The following GRIP1 variants were observed in gnomAD, a reference collection of about 807,000 sequenced individuals.
GRIP1 encodes the protein glutamate receptor interacting protein 1.
Under a neutral mutation model 129.9 loss-of-function variants are expected in GRIP1, and 45 were observed. The ratio of observed to expected loss-of-function variants is 0.35; its 90% CI spans 0.27 to 0.44. The LOEUF is 0.44. Ranked by LOEUF, GRIP1 falls within the 20% of genes least tolerant of loss-of-function variation. The pLI, the probability that GRIP1 is intolerant of heterozygous loss-of-function variation, is 1.00. For missense variants in GRIP1, 1,196 were observed against 1,396.8 expected (o/e 0.86, Z 2.29); for synonymous variants, 530 against 520.8 (o/e 1.02, Z -0.24).
At chr12:66,594,254 T>C (rs2063958150) in intron 2 of GRIP1, among the ~76,000 whole-genome samples, 1 of 151,900 alleles carries the variant, frequency 6.6e-6, no homozygotes, top group Non-Finnish European at 1.5e-5. Flanking sequence ...TGCACTTTTC[T>C]CTAGAGGCAT....
intron 1 of GRIP1, among the ~76,000 whole-genome samples, chr12:67,044,600 C>A (rs1406016295): frequency 1.3e-5 from 2 of 152,034 alleles, no homozygotes. Context: ...TGTTGATTCC[C>A]AGGGTGTATT....
intron 1 of GRIP1, among the ~76,000 whole-genome samples, chr12:66,677,028 T>C (rs920703169): frequency 4.6e-5 from 7 of 152,170 alleles, no homozygotes; most frequent in African/African-American, 1.4e-4. Context: ...AACCCAATTA[T>C]GGCAAATTGA....
chr12:66,845,360 G>A (rs1368216684), intron 1 of GRIP1, among the ~76,000 whole-genome samples: 1 of 152,170 alleles, frequency 6.6e-6, no homozygotes, highest in African/African-American at 2.4e-5. Context: ...GGGAGGCTAA[G>A]GCAGGAGAAT....
rs570235851 is a variant in GRIP1 at position 66,371,824 on chromosome 12, C to T, written c.2882G>A (p.Arg961Gln). ...CCGAGTTGTTTGGCTGTAGTGCGGC[C>T]GCGAGCTGCTGCGCTCCTGGAAGCT... ...QASFQERSSS[R>Q]PHYSQTTRSN... Residue 961 changes from arginine to glutamine, a missense_variant, in exon 23 of 25, where the codon CGG becomes CAG. This residue lies in a region of GRIP1 where 427 missense variants were observed against 463.3 expected (regional missense o/e 0.92). Transcript: ENST00000359742. The T allele has an allele frequency of 1.3e-4, 202 of 1,613,890 alleles. 2 individuals are homozygous for T. In the South Asian group the frequency reaches 1.9e-3, roughly 15 times the overall value.
intron 2 of GRIP1, among the ~76,000 whole-genome samples, chr12:66,584,873 A>G (rs1422878756): frequency 1.3e-5 from 2 of 151,418 alleles, no homozygotes; most frequent in Non-Finnish European, 2.9e-5. Flanking sequence ...CTCTCTGTGG[A>G]TGACCTCACC....
At chr12:67,012,299 A>G (rs2042720706) in intron 1 of GRIP1, among the ~76,000 whole-genome samples, 1 of 152,218 alleles carries the variant, frequency 6.6e-6, no homozygotes. Flanking sequence ...AACCACAAAT[A>G]AAATGTGTGT....
chr12:66,459,782 G>A (rs2059079806), intron 9 of GRIP1, among the ~76,000 whole-genome samples: 1 of 152,108 alleles, frequency 6.6e-6, no homozygotes, highest in Non-Finnish European at 1.5e-5. Context: ...AGAGAAGAGA[G>A]CTGCTGCCTA....
chr12:66,898,000 T>C (rs753291196), intron 1 of GRIP1, among the ~76,000 whole-genome samples: 25 of 152,172 alleles, frequency 1.6e-4, no homozygotes, highest in Non-Finnish European at 3.4e-4. Context: ...TACTGTAAAA[T>C]CTCAAGCAAC....
At chr12:66,762,910 T>C (rs2037519261) in intron 1 of GRIP1, among the ~76,000 whole-genome samples, 1 of 152,172 alleles carries the variant, frequency 6.6e-6, no homozygotes, top group African/African-American at 2.4e-5. Context: ...CATCATTCCC[T>C]GTGCTTAATG....
chr12:66,542,768 T>C (rs2061826403), intron 2 of GRIP1, among the ~76,000 whole-genome samples: 1 of 152,226 alleles, frequency 6.6e-6, no homozygotes, highest in African/African-American at 2.4e-5. Context: ...TTAGGATAAA[T>C]GCTGTTTTAA....
At chr12:66,595,699 T>C (rs2064022934) in intron 2 of GRIP1, among the ~76,000 whole-genome samples, 1 of 152,232 alleles carries the variant, frequency 6.6e-6, no homozygotes, top group South Asian at 2.1e-4. Context: ...GGTGATGCCA[T>C]CTAATTGTAG....
intron 1 of GRIP1, among the ~76,000 whole-genome samples, chr12:66,776,938 C>T (rs191170097): frequency 1.3e-5 from 2 of 152,262 alleles, no homozygotes; most frequent in Non-Finnish European, 2.9e-5. Context: ...AGGAATTTAT[C>T]CTGCACATAA....
chr12:66,420,760 G>A lies in GRIP1; in HGVS notation c.1798C>T (p.Leu600Phe), dbSNP rs1302455936. ...SPSSRKPGDP[L>F]VISDIKKGSV... ...CCTTTCTTGATATCTGAAATGACGA[G>A]GGGGTCTCCTGGTTTTCTACTGGAT... The change falls in exon 15 of 25, where the codon CTC (leucine) becomes TTC (phenylalanine). Residue 600 changes from leucine to phenylalanine, a missense_variant. Leu to Phe is a conservative substitution (Grantham distance 22). This residue lies in a region of GRIP1 where 508 missense variants were observed against 587.0 expected (regional missense o/e 0.87). Transcript: ENST00000359742. The A allele has an allele frequency of 1.3e-6, 2 of 1,588,980 alleles. No individual in the cohort carries two copies. Among genetic ancestry groups the A allele is most frequent in the Admixed American group, 1.7e-5 (1 of 59,992 alleles).
At position 67,030,083 on chromosome 12, in the gene GRIP1, C is replaced by A. The variant is rs904573834; in HGVS notation, c.58+38967G>T. The stretch of plus-strand genomic sequence containing the variant: ...AAAATTAGCCAGGTGTGGTGGCAGG[C>A]GCCTGTAGTCCCAGCTACTGGGGAG... On this transcript the variant is annotated intron_variant, in intron 1 of 1. Coordinates refer to the GRIP1 transcript ENST00000643019. Among the ~76,000 whole-genome samples the A allele has an allele frequency of 4.0e-5, 6 of 149,664 alleles. No individual in the cohort carries two copies. In the East Asian group the frequency reaches 1.2e-3, roughly 29 times the overall value.
chr12:66,690,826 G>A (rs557362342), intron 1 of GRIP1, among the ~76,000 whole-genome samples: 55 of 151,312 alleles, frequency 3.6e-4, no homozygotes, highest in Non-Finnish European at 7.4e-4. Context: ...CCAGGTATCC[G>A]GGAGGCTAAG....
chr12:66,730,201 A>T (rs1271497056), intron 1 of GRIP1, among the ~76,000 whole-genome samples: 1 of 152,152 alleles, frequency 6.6e-6, no homozygotes, highest in Non-Finnish European at 1.5e-5. Flanking sequence ...TTTATGCCAT[A>T]CTAATGGTTT....
intron 16 of GRIP1, among the ~76,000 whole-genome samples, chr12:66,401,135 T>TACAAC (rs2056972448): frequency 6.6e-6 from 1 of 152,144 alleles, no homozygotes; most frequent in South Asian, 2.1e-4. Flanking sequence ...GGAAAACGCC[T>TACAAC]ACAACCCCAA....
chr12:66,930,195 C>A (rs961364432), intron 1 of GRIP1, among the ~76,000 whole-genome samples: 1 of 148,476 alleles, frequency 6.7e-6, no homozygotes, highest in Non-Finnish European at 1.5e-5. Flanking sequence ...CATGCTGGTG[C>A]GCTGCACCCA....
At chr12:66,522,224 C>T (rs556267704) in intron 5 of GRIP1, among the ~76,000 whole-genome samples, 24 of 152,192 alleles carry the variant, frequency 1.6e-4, no homozygotes, top group African/African-American at 2.2e-4. Flanking sequence ...CCCTGACCCC[C>T]GAGCAGACTA....
Sources: allele counts gnomAD v4.1 joint callset (sites outside exome capture counted in the v4.1 genomes callset), GRCh38; gene constraint gnomAD v4.1.1; regional missense constraint gnomAD v4.1.1; transcripts MANE v1.5; gene names NCBI Gene and HGNC (gene_info 2026-07-23, HGNC 2026-07-21).